YTHDC1: variants seen among roughly 807,000 people sequenced by gnomAD.
The protein encoded by YTHDC1 is YTH domain-containing protein 1.
YTHDC1 carries 12 observed loss-of-function variants against 107.0 expected under a neutral mutation model. The observed-to-expected ratio is 0.11, with a 90% CI of 0.07 to 0.18. The LOEUF is 0.18. YTHDC1 is among the 10% of genes least tolerant of loss of function. The pLI, the probability that YTHDC1 is intolerant of heterozygous loss-of-function variation, is 1.00. For missense variants in YTHDC1, 635 were observed against 898.8 expected (o/e 0.71, Z 3.75); for synonymous variants, 280 against 289.5 (o/e 0.97, Z 0.33).
rs184921416 is a variant in YTHDC1 at position 68,313,125 on chromosome 4, T to C, written c.*974A>G. On this transcript the variant is annotated 3_prime_UTR_variant, in exon 17 of 17. Coordinates refer to ENST00000344157, the MANE Select transcript of YTHDC1 (RefSeq NM_001031732.4). ...TAAATACTTAACCAAATTATTAACA[T>C]AACTCTGTGTATCTTATGTTAGAAA... 6.6e-6 allele frequency: 1 copy of C among 152,336 alleles called. No homozygotes were observed. Among genetic ancestry groups the C allele is most frequent in the African/African-American group, 2.4e-5 (1 of 41,580 alleles). The allele number at this position is 152,336 out of a possible 1,614,324, so 9.4% of individuals were successfully genotyped here.
rs1721313441 is a variant in YTHDC1 at position 68,311,653 on chromosome 4, T to A, written c.*2446A>T. The A allele has an allele frequency of 6.6e-6, 1 of 152,328 alleles. No homozygotes were observed. The allele number at this position is 152,328 out of a possible 1,614,324, so 9.4% of individuals were successfully genotyped here. ...GTTCCGGTAAGTTTATTTTAAAAAT[T>A]AGGAAAGGAGAAAACAGTGATGATT... On this transcript the variant is annotated 3_prime_UTR_variant, in exon 17 of 17. Coordinates refer to ENST00000344157, the MANE Select transcript of YTHDC1 (RefSeq NM_001031732.4).
intron 11 of YTHDC1, 59 bp from the exon 12 acceptor site, chr4:68,320,264 AAGC>A: frequency 7.8e-7 from 1 of 1,280,730 alleles, no homozygotes; most frequent in East Asian, 2.4e-5. Context: ...ACAAAGAGTA[AAGC>A]AAGAGTTTCT....
chr4:68,330,750 C>T (rs1723485834), intron 7 of YTHDC1, among the ~76,000 whole-genome samples: 1 of 152,010 alleles, frequency 6.6e-6, no homozygotes, highest in Non-Finnish European at 1.5e-5. Context: ...TAGCATTTTT[C>T]TATTTAAGTT....
At chr4:68,318,763 G>C in intron 13 of YTHDC1, 34 bp from the exon 14 acceptor site, 4 of 1,614,052 alleles carry the variant, frequency 2.5e-6, no homozygotes, top group Non-Finnish European at 3.4e-6. Flanking sequence ...ACTAAATTCA[G>C]GTAATTCATA....
intron 1 of YTHDC1, among the ~76,000 whole-genome samples, chr4:68,340,301 T>A (rs936825603): frequency 7.2e-5 from 11 of 152,100 alleles, no homozygotes; most frequent in Non-Finnish European, 1.2e-4. Context: ...TCTAAAGATA[T>A]CTGAAAATTA....
At chr4:68,328,095 A>C (rs1417960947) in intron 9 of YTHDC1, among the ~76,000 whole-genome samples, 1 of 152,226 alleles carries the variant, frequency 6.6e-6, no homozygotes, top group East Asian at 1.9e-4. Flanking sequence ...ATGAAGAGGA[A>C]TATGAAGAAT....
intron 9 of YTHDC1, among the ~76,000 whole-genome samples, chr4:68,328,619 A>G (rs1723244030): frequency 6.6e-6 from 1 of 152,226 alleles, no homozygotes; most frequent in Non-Finnish European, 1.5e-5. Flanking sequence ...TTTCTATTTC[A>G]AAGAATTTAG....
At chr4:68,337,545 T>C (rs540170808) in intron 3 of YTHDC1, 27 bp downstream of exon 3, 4 of 1,586,206 alleles carry the variant, frequency 2.5e-6, no homozygotes, top group Non-Finnish European at 3.4e-6. Context: ...TGGCTTTCTG[T>C]TTTATATCTG....
At position 68,333,300 on chromosome 4, in the gene YTHDC1, G is replaced by GAGA; in HGVS notation, c.973+5_973+7dup. The GAGA allele has an allele frequency of 1.9e-6, 3 of 1,602,126 alleles. No homozygotes were observed. The South Asian group carries it at 3.3e-5, about 18-fold the overall frequency. On this transcript the variant is annotated splice_region_variant and intron_variant, in intron 5 of 16. Coordinates refer to ENST00000344157, the MANE Select transcript of YTHDC1 (RefSeq NM_001031732.4). ...ATCAAGTCAGATATGATCACAAAATGAGAATACCTGCATATGACTCTGATG... is the reference window on the plus strand; with the variant it reads ...ATCAAGTCAGATATGATCACAAAATGAGAAGAATACCTGCATATGACTCTGATG...
At position 68,337,586 on chromosome 4, in the gene YTHDC1, G is replaced by C. The variant is rs1724333614; in HGVS notation, c.445C>G (p.Pro149Ala). 3 of 1,609,460 alleles carry C rather than the reference G, an allele frequency of 1.9e-6. No homozygotes were observed. Among genetic ancestry groups the C allele is most frequent in the Non-Finnish European group, 2.5e-6 (3 of 1,178,812 alleles). ...ATATTTACTACCTCAGAACCATCTG[G>C]CGTAGGAGATTTGGCCCTCCTTTCA... The part of the protein sequence containing the change: ...DPERRAKSPT[P>A]DGSERIGLEV... The change falls in exon 3 of 17, where the codon CCA (proline) becomes GCA (alanine). Residue 149 changes from proline (P) to alanine (A), a missense_variant. Coordinates refer to ENST00000344157, the MANE Select transcript of YTHDC1 (RefSeq NM_001031732.4).
At chr4:68,340,851 T>C (rs1329896100) in intron 1 of YTHDC1, among the ~76,000 whole-genome samples, 2 of 152,068 alleles carry the variant, frequency 1.3e-5, no homozygotes, top group African/African-American at 2.4e-5. Flanking sequence ...AATGAAATAA[T>C]TTTGCAGAAT....
At chr4:68,332,931 CT>C in intron 5 of YTHDC1, 84 bp from the exon 6 acceptor site, 1 of 1,203,142 alleles carries the variant, frequency 8.3e-7, no homozygotes, top group Non-Finnish European at 1.2e-6. Flanking sequence ...ACATAAAATT[CT>C]CATTCAAGAC....
At chr4:68,316,850 G>GT (rs531224868) in intron 15 of YTHDC1, among the ~76,000 whole-genome samples, 2 of 152,202 alleles carry the variant, frequency 1.3e-5, no homozygotes, top group Non-Finnish European at 2.9e-5. Context: ...TCACACTACT[G>GT]TTAAAGTGGT....
At chr4:68,333,240 G>T in intron 5 of YTHDC1, 68 bp downstream of exon 5, 1 of 1,223,760 alleles carries the variant, frequency 8.2e-7, no homozygotes, top group Non-Finnish European at 1.2e-6. Flanking sequence ...CTAAACTACA[G>T]CCTCCACACG....
rs1722615158 is a variant in YTHDC1 at position 68,323,148 on chromosome 4, G to A, written c.1435-233C>T. ...AATCTCTGAAGTTAAATACACAAAT[G>A]CAGTTGCTTAAAATTCTGTGACAAC... On this transcript the variant is annotated intron_variant, in intron 10 of 16. Transcript: ENST00000344157. Among the ~76,000 whole-genome samples, 3 of 151,728 alleles carry A rather than the reference G, an allele frequency of 2.0e-5. No homozygotes were observed. In the South Asian group the frequency reaches 6.3e-4, roughly 32 times the overall value.
At chr4:68,331,027 C>G (rs906257412) in intron 7 of YTHDC1, among the ~76,000 whole-genome samples, 1 of 152,070 alleles carries the variant, frequency 6.6e-6, no homozygotes, top group African/African-American at 2.4e-5. Context: ...TTCCAGGACC[C>G]ATGCAGATAC....
At chr4:68,316,820 G>A (rs916767668) in intron 15 of YTHDC1, among the ~76,000 whole-genome samples, 6 of 152,170 alleles carry the variant, frequency 3.9e-5, no homozygotes, top group African/African-American at 4.8e-5. Flanking sequence ...GCAACAAGGA[G>A]TTAAGTAACC....
chr4:68,343,602 C>G (rs1725100384), intron 1 of YTHDC1, among the ~76,000 whole-genome samples: 1 of 143,554 alleles, frequency 7.0e-6, no homozygotes, highest in South Asian at 2.2e-4. Context: ...GTGACATGAT[C>G]TCAACTCACT....
chr4:68,340,925 A>G (rs1724736025), intron 1 of YTHDC1, among the ~76,000 whole-genome samples: 1 of 152,108 alleles, frequency 6.6e-6, no homozygotes, highest in African/African-American at 2.4e-5. Context: ...AAAAAGGGGT[A>G]TTACTGTTTT....
Sources: gnomAD v4.1 joint callset for allele counts (sites outside exome capture counted in the v4.1 genomes callset) on GRCh38, gnomAD v4.1.1 for gene constraint, MANE v1.5 for transcripts, NCBI Gene and HGNC (gene_info 2026-07-23, HGNC 2026-07-21) for gene names.